Variants in HECW2 observed in about 807,000 individuals in gnomAD.
HECW2 encodes the protein E3 ubiquitin-protein ligase HECW2.
In HECW2, 61 loss-of-function variants were observed where a neutral mutation model predicts 175.2. The observed-to-expected ratio is 0.35, with a 90% CI of 0.28 to 0.43. The LOEUF (loss-of-function observed/expected upper bound fraction) is 0.43. Ranked by LOEUF, HECW2 falls within the 20% of genes least tolerant of loss-of-function variation. HECW2 has a pLI of 1.00. For synonymous variants in HECW2, 671 were observed against 731.0 expected, an observed-to-expected ratio of 0.92 and a Z score of 1.32; for missense variants, 1,524 against 2,000.5, an observed-to-expected ratio of 0.76 and a Z score of 4.54.
At chr2:196,508,573 T>C (rs772407326) in intron 1 of HECW2, among the ~76,000 whole-genome samples, 2 of 152,100 alleles carry the variant, frequency 1.3e-5, no homozygotes, top group Non-Finnish European at 2.9e-5. Context: ...GAAAGAACAG[T>C]ATTTTGGTTC....
intron 2 of HECW2, among the ~76,000 whole-genome samples, chr2:196,396,364 T>G (rs1377187309): frequency 6.6e-6 from 1 of 152,222 alleles, no homozygotes; most frequent in Non-Finnish European, 1.5e-5. Context: ...TCCCAGGATC[T>G]CTTTACAAAA....
intron 1 of HECW2, among the ~76,000 whole-genome samples, chr2:196,468,485 T>C (rs1398151975): frequency 6.6e-6 from 1 of 152,208 alleles, no homozygotes; most frequent in Non-Finnish European, 1.5e-5. Context: ...CCTAGGATTC[T>C]GATTTTTAAA....
In HECW2 at chr2:196,274,344, G is replaced by A. The variant is rs538795491; in HGVS notation, c.3136-221C>T. On this transcript the variant is annotated intron_variant, in intron 15 of 28. Transcript: ENST00000644978. ...AGTTGAGGCATCCACATTCTTGAGA[G>A]GGGCTGGGGCAGTGACTCTTTACCA... 1.3e-3 allele frequency among the ~76,000 whole-genome samples: 203 copies of A among 152,308 alleles called. 1 individual carries two copies. The highest frequency in any genetic ancestry group is 3.6e-3 in the Admixed American group (55 of 15,298).
At chr2:196,495,366 A>G (rs560040470) in intron 1 of HECW2, among the ~76,000 whole-genome samples, 3 of 152,200 alleles carry the variant, frequency 2.0e-5, no homozygotes, top group South Asian at 4.1e-4. Flanking sequence ...ACGCCCTGTC[A>G]TCACTCTTTA....
At chr2:196,505,903 T>C (rs1043991315) in intron 1 of HECW2, among the ~76,000 whole-genome samples, 1 of 151,860 alleles carries the variant, frequency 6.6e-6, no homozygotes, top group Non-Finnish European at 1.5e-5. Context: ...CTTTGGGAGG[T>C]AGGGCTGGGA....
chr2:196,543,424 G>A (rs999932301), intron 1 of HECW2, among the ~76,000 whole-genome samples: 3 of 151,660 alleles, frequency 2.0e-5, no homozygotes, highest in African/African-American at 7.3e-5. Context: ...ATTTGTAAAT[G>A]TGCATATAAT....
Position 196,319,420 on chromosome 2 carries a change from C to T in HECW2, c.1470G>A (p.Met490Ile), listed in dbSNP as rs543869696. 4 of 1,613,818 alleles carry T rather than the reference C, an allele frequency of 2.5e-6. No homozygotes were observed. Among genetic ancestry groups the T allele is most frequent in the Non-Finnish European group, 3.4e-6 (4 of 1,179,918 alleles). Residue 490 changes from methionine to isoleucine, a missense_variant, in exon 9 of 29, where the codon ATG becomes ATA. By Grantham distance (10) the Met-to-Ile change is conservative. Coordinates refer to ENST00000644978, the MANE Select transcript of HECW2 (RefSeq NM_001348768.2). ...CATCAGCTCTGGATGCCCTGCTAAA[C>T]ATGATCAGGCCTCCCTCCTCCTCCA... ...SSLEEEGGLI[M>I]FSRASRADDG...
chr2:196,321,510 G>C (rs956474532), intron 7 of HECW2, among the ~76,000 whole-genome samples: 2 of 150,638 alleles, frequency 1.3e-5, no homozygotes, highest in Admixed American at 6.6e-5. Context: ...AATTCTCCCA[G>C]CTTCAGCCTC....
chr2:196,317,826 G>C (rs1397950674), intron 9 of HECW2, among the ~76,000 whole-genome samples: 1 of 152,116 alleles, frequency 6.6e-6, no homozygotes, highest in Non-Finnish European at 1.5e-5. Flanking sequence ...GATTTTTAAT[G>C]CATCCTTACA....
At chr2:196,252,477 C>T (rs1688896323) in intron 19 of HECW2, among the ~76,000 whole-genome samples, 2 of 152,018 alleles carry the variant, frequency 1.3e-5, no homozygotes, top group African/African-American at 4.8e-5. Context: ...TGAATGGTTT[C>T]GCACCACTCC....
At chr2:196,568,527 T>C (rs892472805) in intron 1 of HECW2, among the ~76,000 whole-genome samples, 3 of 152,196 alleles carry the variant, frequency 2.0e-5, no homozygotes, top group Non-Finnish European at 4.4e-5. Context: ...CATAACCCCA[T>C]AATAAATCCA....
At chr2:196,458,895 A>G (rs1276837079) in intron 1 of HECW2, among the ~76,000 whole-genome samples, 1 of 150,946 alleles carries the variant, frequency 6.6e-6, no homozygotes, top group African/African-American at 2.5e-5. Flanking sequence ...AGATAAGTGT[A>G]AACACACTGG....
At position 196,313,271 on chromosome 2, in the gene HECW2, A is replaced by G. The variant is rs1484272191; in HGVS notation, c.2434+4003T>C. The stretch of plus-strand genomic sequence containing the variant: ...GTTTTTTCACTCATCTTAATGCTAA[A>G]AAGACCAACATTTGTCACACCGATA... On this transcript the variant is annotated intron_variant, in intron 10 of 28. Coordinates refer to ENST00000644978, the MANE Select transcript of HECW2 (RefSeq NM_001348768.2). Among the ~76,000 whole-genome samples the G allele has an allele frequency of 2.0e-5, 3 of 152,236 alleles. No homozygotes were observed. In the East Asian group the frequency reaches 5.8e-4, roughly 29 times the overall value.
chr2:196,232,775 T>C (rs115695912), intron 21 of HECW2, among the ~76,000 whole-genome samples: 1,821 of 152,320 alleles, frequency 0.012, 38 homozygotes, highest in African/African-American at 0.041. Context: ...GAAGATGAGA[T>C]GAATGTTCCC....
chr2:196,393,236 G>C (rs978845815), intron 2 of HECW2, among the ~76,000 whole-genome samples: 2 of 152,172 alleles, frequency 1.3e-5, no homozygotes, highest in African/African-American at 4.8e-5. Flanking sequence ...CATAGGCATA[G>C]ACAAGGACTT....
intron 2 of HECW2, among the ~76,000 whole-genome samples, chr2:196,373,827 T>G: frequency 6.6e-6 from 1 of 151,928 alleles, no homozygotes. Flanking sequence ...GGTCAGGAGA[T>G]CGAGACCATC....
At chr2:196,475,572 T>C (rs1171150640) in intron 1 of HECW2, among the ~76,000 whole-genome samples, 1 of 152,170 alleles carries the variant, frequency 6.6e-6, no homozygotes, top group Non-Finnish European at 1.5e-5. Flanking sequence ...CTCTGCATGA[T>C]CCCCACTTAC....
At chr2:196,286,308 C>T (rs1276501618) in intron 14 of HECW2, among the ~76,000 whole-genome samples, 2 of 151,036 alleles carry the variant, frequency 1.3e-5, no homozygotes, top group African/African-American at 2.4e-5. Flanking sequence ...CAAATTACCA[C>T]ATTTTAGGTG....
intron 1 of HECW2, among the ~76,000 whole-genome samples, chr2:196,443,487 A>G (rs1696096605): frequency 6.6e-6 from 1 of 152,198 alleles, no homozygotes; most frequent in Non-Finnish European, 1.5e-5. Context: ...ACATTAACCT[A>G]TACTTTTAAA....
Sources: allele counts gnomAD v4.1 joint callset (sites outside exome capture counted in the v4.1 genomes callset), GRCh38; gene constraint gnomAD v4.1.1; transcripts MANE v1.5; gene names NCBI Gene and HGNC (gene_info 2026-07-23, HGNC 2026-07-21).